The following TMEM114 variants were observed in gnomAD, a reference collection of about 807,000 sequenced individuals.
TMEM114 encodes transmembrane protein 114.
In TMEM114, 6 loss-of-function variants were observed where a neutral mutation model predicts 6.2. That is an observed-to-expected ratio of 0.97 (90% CI 0.53 to 1.91). The LOEUF (loss-of-function observed/expected upper bound fraction) is 1.91. Among genes scored for constraint, TMEM114 ranks in the 40% most tolerant of loss-of-function variants. The probability of loss-of-function intolerance (pLI) is 0.01; values close to 1 mark genes in which losing one functional copy is unlikely to be tolerated. For missense variants in TMEM114, 218 were observed against 158.3 expected, an observed-to-expected ratio of 1.38 and a Z score of -2.02; for synonymous variants, 104 against 73.0, an observed-to-expected ratio of 1.42 and a Z score of -2.16.
chr16:8,528,655 G>A, the TMEM114 span, among the ~76,000 whole-genome samples: 1 of 152,130 alleles, frequency 6.6e-6, no homozygotes, highest in Non-Finnish European at 1.5e-5. Context: ...CAGCCTTGGT[G>A]GTAAATCTGC....
At chr16:8,545,030 A>G (rs1336788731) in intron 2 of TMEM114, among the ~76,000 whole-genome samples, 1 of 151,928 alleles carries the variant, frequency 6.6e-6, no homozygotes, top group East Asian at 1.9e-4. Flanking sequence ...GTGTGGTTAT[A>G]AGTTGTGGAC....
rs75623030 is a variant in TMEM114, at chr16:8,573,287, C to G, written c.302-1063G>C. ...GCTGCCCCCGGGTTGCAGAGCCAAA[C>G]GGATCCACCTGGAGAACAGTCCCTG... On this transcript the variant is annotated intron_variant, in intron 2 of 3. Transcript: ENST00000620492. Among the ~76,000 whole-genome samples, 489 of 152,280 alleles carry G rather than the reference C, an allele frequency of 3.2e-3. 3 individuals carry two copies. Among genetic ancestry groups the G allele is most frequent in the African/African-American group, 0.011 (470 of 41,550 alleles).
chr16:8,586,875 G>A (rs961700615), intron 2 of TMEM114, among the ~76,000 whole-genome samples: 1 of 152,088 alleles, frequency 6.6e-6, no homozygotes, highest in East Asian at 1.9e-4. Context: ...GCAGTTTGGG[G>A]CTCAGAACAG....
chr16:8,532,964 T>C (rs1007737280), downstream of TMEM114, among the ~76,000 whole-genome samples: 1 of 152,138 alleles, frequency 6.6e-6, no homozygotes, highest in Non-Finnish European at 1.5e-5. Flanking sequence ...TATTCATTCA[T>C]TCAACAGATG....
intron 2 of TMEM114, among the ~76,000 whole-genome samples, chr16:8,580,816 A>T (rs1329523193): frequency 2.0e-5 from 3 of 152,032 alleles, no homozygotes; most frequent in Non-Finnish European, 4.4e-5. Flanking sequence ...TCAGCCTCCC[A>T]AGTAGCTGGG....
chr16:8,556,793 G>C (rs199620825), intron 2 of TMEM114, among the ~76,000 whole-genome samples: 1 of 152,206 alleles, frequency 6.6e-6, no homozygotes, highest in Admixed American at 6.5e-5. Context: ...GTGAGCCACC[G>C]CGCCTGACCC....
At chr16:8,572,968 C>A (rs1336030316) in intron 2 of TMEM114, among the ~76,000 whole-genome samples, 1 of 152,196 alleles carries the variant, frequency 6.6e-6, no homozygotes, top group Admixed American at 6.5e-5. Flanking sequence ...GGAAGTTATC[C>A]TTCTCCCAAG....
At chr16:8,581,548 A>G (rs1341267647) in intron 2 of TMEM114, among the ~76,000 whole-genome samples, 1 of 152,026 alleles carries the variant, frequency 6.6e-6, no homozygotes, top group African/African-American at 2.4e-5. Context: ...CTGCCTCTTG[A>G]GCTCAAGCAA....
chr16:8,560,515 C>T (rs984625640), intron 2 of TMEM114, among the ~76,000 whole-genome samples: 1 of 152,178 alleles, frequency 6.6e-6, no homozygotes, highest in African/African-American at 2.4e-5. Context: ...ACAGAGGACG[C>T]ACTTCCTGCT....
chr16:8,528,718 C>T, the TMEM114 span, among the ~76,000 whole-genome samples: 2 of 152,218 alleles, frequency 1.3e-5, no homozygotes, highest in Non-Finnish European at 2.9e-5. Context: ...CATGAACTTT[C>T]TTCTTTATAA....
intron 2 of TMEM114, among the ~76,000 whole-genome samples, chr16:8,564,170 T>G (rs1368475481): frequency 1.3e-5 from 2 of 150,386 alleles, no homozygotes; most frequent in Non-Finnish European, 2.9e-5. Context: ...AATGAGTGAG[T>G]AAATGAGTGA....
At chr16:8,564,305 T>G (rs62646490) in intron 2 of TMEM114, among the ~76,000 whole-genome samples, 15,644 of 74,408 alleles carry the variant, frequency 0.21, 1,179 homozygotes, top group Middle Eastern at 0.35. Flanking sequence ...GAATGAGTGA[T>G]GAAATAAGTG....
intron 2 of TMEM114, among the ~76,000 whole-genome samples, chr16:8,585,658 G>A (rs1358327346): frequency 1.3e-5 from 2 of 151,990 alleles, no homozygotes; most frequent in African/African-American, 2.4e-5. Flanking sequence ...TTCTGGGGGT[G>A]ATTTGCAAGG....
intron 2 of TMEM114, among the ~76,000 whole-genome samples, chr16:8,562,584 ATAAG>A (rs1256968495): frequency 5.1e-4 from 13 of 25,498 alleles, no homozygotes; most frequent in Admixed American, 3.2e-3. Context: ...GAGTGAGGAA[ATAAG>A]TAAGTGAATG....
downstream of TMEM114, among the ~76,000 whole-genome samples, chr16:8,566,563 A>G (rs1028397992): frequency 2.0e-5 from 3 of 152,202 alleles, no homozygotes; most frequent in African/African-American, 4.8e-5. Context: ...ATAGAACAGA[A>G]CAGAACAGAA....
intron 2 of TMEM114, among the ~76,000 whole-genome samples, chr16:8,585,933 G>C (rs555366958): frequency 6.6e-6 from 1 of 152,202 alleles, no homozygotes; most frequent in Non-Finnish European, 1.5e-5. Flanking sequence ...TGAAACTGCG[G>C]GTTAGCCCTA....
rs371513222 is a variant in TMEM114, at chr16:8,564,421, A to G, written n.212+24792T>C. Among the ~76,000 whole-genome samples the G allele has an allele frequency of 6.6e-4, 89 of 134,224 alleles. No individual in the cohort carries two copies. The East Asian group carries it at 0.017, about 26-fold the overall frequency. The allele number at this position is 134,224 out of a possible 152,430, so 88.1% of individuals were successfully genotyped here. On this transcript the variant is annotated intron_variant and non_coding_transcript_variant, in intron 2 of 2. Coordinates refer to the TMEM114 transcript ENST00000623677. Reference sequence around the variant, plus strand: ...AGTGAGTGAATGAGTGAGTGAGTAAATGAGTGAGTGAGGGAGGGAGGGAAT... The same window carrying G: ...AGTGAGTGAATGAGTGAGTGAGTAAGTGAGTGAGTGAGGGAGGGAGGGAAT...
At chr16:8,532,631 A>T (rs1378684671), downstream of TMEM114, among the ~76,000 whole-genome samples, 1 of 152,222 alleles carries the variant, frequency 6.6e-6, no homozygotes, top group Non-Finnish European at 1.5e-5. Context: ...GTGCTCAAGA[A>T]ATAATCATTC....
intron 2 of TMEM114, among the ~76,000 whole-genome samples, chr16:8,543,828 T>G (rs906009866): frequency 1.3e-5 from 2 of 152,212 alleles, no homozygotes; most frequent in African/African-American, 4.8e-5. Flanking sequence ...ATTTGAAGAA[T>G]GAACAAATAA....
Sources: gnomAD v4.1 joint callset for allele counts (sites outside exome capture counted in the v4.1 genomes callset) on GRCh38, gnomAD v4.1.1 for gene constraint, MANE v1.5 for transcripts, NCBI Gene and HGNC (gene_info 2026-07-23, HGNC 2026-07-21) for gene names.